The following PARK7 variants were observed in gnomAD, a reference collection of about 807,000 sequenced individuals.
The protein encoded by PARK7 is Parkinsonism associated deglycase, also known as Parkinson disease protein 7.
A neutral mutation model predicts 20.5 loss-of-function variants in PARK7; 14 were observed. That is an observed-to-expected ratio of 0.68 (90% CI 0.45 to 1.07). The LOEUF (loss-of-function observed/expected upper bound fraction) is 1.07. Ranked by LOEUF, PARK7 falls within the 50% of genes least tolerant of loss-of-function variation. The pLI, the probability that PARK7 is intolerant of heterozygous loss-of-function variation, is 0.00. For synonymous variants in PARK7, 98 were observed against 84.3 expected (o/e 1.16, Z -0.89); for missense variants, 234 against 238.1 (o/e 0.98, Z 0.11).
At chr1:7,971,335 C>G (rs1026889306) in intron 5 of PARK7, 2 of 318,260 alleles carry the variant, frequency 6.3e-6, no homozygotes, top group East Asian at 7.6e-5. Flanking sequence ...GCAGCTCTGT[C>G]CTGTGCTTGC....
At chr1:7,979,816 A>C (rs56734891) in intron 6 of PARK7, among the ~76,000 whole-genome samples, 3 of 152,066 alleles carry the variant, frequency 2.0e-5, no homozygotes, top group Non-Finnish European at 4.4e-5. Context: ...GTTTTATTTT[A>C]GTTGCTAGAA....
rs1014727907 is a variant in PARK7, at chr1:7,965,365, A to G, written c.132A>G (p.Val44=). Residue 44 remains valine, a synonymous_variant, in exon 3 of 7, where the codon GTA becomes GTG. Coordinates refer to ENST00000338639, the MANE Select transcript of PARK7 (RefSeq NM_007262.5). ...TVAGLAGKDP[V]QCSRDVVICP... is the part of the protein sequence containing the mutation. ...CAGGCCTGGCTGGAAAAGACCCAGT[A>G]CAGTGTAGCCGTGATGTGGTCATTT... is the stretch of plus-strand genomic sequence containing the variant. The G allele has an allele frequency of 6.2e-7, 1 of 1,614,212 alleles. No individual in the cohort carries two copies. The highest frequency in any genetic ancestry group is 8.5e-7 in the Non-Finnish European group (1 of 1,180,038).
At chr1:7,969,979 G>A (rs993105188) in intron 4 of PARK7, among the ~76,000 whole-genome samples, 3 of 152,134 alleles carry the variant, frequency 2.0e-5, no homozygotes, top group Non-Finnish European at 4.4e-5. Flanking sequence ...ATTGCTTGAG[G>A]CCAGGAGTTT....
chr1:7,971,039 A>C (rs938760605), intron 5 of PARK7, 76 bp downstream of exon 5: 1 of 1,474,358 alleles, frequency 6.8e-7, no homozygotes, highest in East Asian at 2.3e-5. Flanking sequence ...TTTGATTCCA[A>C]ATAGCTCTTC....
intron 6 of PARK7, among the ~76,000 whole-genome samples, chr1:7,980,756 C>T (rs924271629): frequency 1.7e-4 from 26 of 152,248 alleles, no homozygotes; most frequent in African/African-American, 6.0e-4. Flanking sequence ...GCAGTCATCA[C>T]CTGGGGGTCT....
At chr1:7,981,875 G>A (rs1248358331) in intron 6 of PARK7, among the ~76,000 whole-genome samples, 2 of 151,292 alleles carry the variant, frequency 1.3e-5, no homozygotes, top group Middle Eastern at 3.2e-3. Context: ...AGCCAGGATG[G>A]TCTCGATCTC....
Position 7,985,199 on chromosome 1 carries a change from TAC to T in PARK7, c.*149_*150del, listed in dbSNP as rs1169371751. 3 of 1,062,198 alleles carry T rather than the reference TAC, an allele frequency of 2.8e-6. No individual in the cohort carries two copies. The highest frequency in any genetic ancestry group is 4.2e-6 in the Non-Finnish European group (3 of 720,054). 65.8% of individuals were successfully genotyped at this position (1,062,198 alleles called of 1,614,324 possible). ...TTTGCGGAAGTATGGAAGTCACAAC[TAC>T]ACAGAGATTTCTCAGCCTACAAATT... On this transcript the variant is annotated 3_prime_UTR_variant, in exon 7 of 7. Transcript: ENST00000338639.
At chr1:7,963,489 T>G (rs1640256776) in intron 2 of PARK7, among the ~76,000 whole-genome samples, 1 of 151,536 alleles carries the variant, frequency 6.6e-6, no homozygotes, top group South Asian at 2.1e-4. Flanking sequence ...GTTCAAGAGA[T>G]TCTCCTGCCT....
At chr1:7,963,617 C>G (rs938164828) in intron 2 of PARK7, among the ~76,000 whole-genome samples, 1 of 151,770 alleles carries the variant, frequency 6.6e-6, no homozygotes, top group African/African-American at 2.4e-5. Flanking sequence ...TCAAGTGACC[C>G]GCCCGCCTTA....
chr1:7,968,225 T>A (rs573777594), intron 3 of PARK7, among the ~76,000 whole-genome samples: 7 of 149,512 alleles, frequency 4.7e-5, no homozygotes, highest in African/African-American at 1.7e-4. Context: ...GGAGAATCGC[T>A]TGAATCCGGG....
chr1:7,966,211 G>C (rs1333296307), intron 3 of PARK7, among the ~76,000 whole-genome samples: 1 of 152,078 alleles, frequency 6.6e-6, no homozygotes, highest in Admixed American at 6.6e-5. Flanking sequence ...GGCAGAGTCG[G>C]CTCACAGATG....
Position 7,962,876 on chromosome 1 carries a change from G to GT in PARK7, c.90+2dup. The GT allele has an allele frequency of 6.2e-7, 1 of 1,611,544 alleles. No individual in the cohort carries two copies. Among genetic ancestry groups the GT allele is most frequent in the Non-Finnish European group, 8.5e-7 (1 of 1,177,872 alleles). ...TGTAGATGTCATGAGGCGAGCTGGG[G>GT]TAAGTCCCACATCGATTTTTAGCCA... On this transcript the variant is annotated splice_donor_variant, in intron 2 of 6. Coordinates refer to ENST00000338639, the MANE Select transcript of PARK7 (RefSeq NM_007262.5). LOFTEE classifies it high-confidence loss of function.
At chr1:7,963,819 C>CTTTTTTTTTTTT (rs34787365) in intron 2 of PARK7, among the ~76,000 whole-genome samples, 2 of 144,372 alleles carry the variant, frequency 1.4e-5, no homozygotes, top group Non-Finnish European at 3.0e-5. Flanking sequence ...GCATGTGTGT[C>CTTTTTTTTTTTT]TTTTTTTTTT....
intron 6 of PARK7, chr1:7,983,084 T>C (rs1282781258): frequency 1.3e-5 from 2 of 152,250 alleles, no homozygotes; most frequent in African/African-American, 4.8e-5. Flanking sequence ...CTCATTAATA[T>C]AGCAGAAGCA....
Position 7,985,366 on chromosome 1 carries a change from A to G in PARK7, c.*312A>G, listed in dbSNP as rs1640798401. 1 of 373,188 alleles carries G rather than the reference A, an allele frequency of 2.7e-6. No homozygotes were observed. Among genetic ancestry groups the G allele is most frequent in the Non-Finnish European group, 5.1e-6 (1 of 195,032 alleles). 23.1% of individuals were successfully genotyped at this position (373,188 alleles called of 1,614,324 possible). A position where few individuals can be genotyped will look rare whatever the true frequency, so the allele number is the denominator to read the frequency against. ...TCATTTGCAGCTCTTAACTGTCCAT[A>G]TGGCACTGAAATAAAAGAACAGTGA... On this transcript the variant is annotated 3_prime_UTR_variant, in exon 7 of 7. Transcript: ENST00000338639.
At chr1:7,965,269 G>A in intron 2 of PARK7, 55 bp from the exon 3 acceptor site, 8 of 1,490,342 alleles carry the variant, frequency 5.4e-6, no homozygotes, top group Non-Finnish European at 7.5e-6. Flanking sequence ...TAAAGACAGT[G>A]TTACTCTGAA....
chr1:7,962,842 G>C lies in PARK7; in HGVS notation c.57G>C (p.Thr19=), dbSNP rs777350692. The C allele has an allele frequency of 6.2e-7, 1 of 1,613,210 alleles. No homozygotes were observed. The highest frequency in any genetic ancestry group is 8.5e-7 in the Non-Finnish European group (1 of 1,179,890). Residue 19 remains threonine (T), a synonymous_variant, in exon 2 of 7, where the codon ACG becomes ACC. Transcript: ENST00000338639. The part of the protein sequence containing the change: ...ILAKGAEEME[T]VIPVDVMRRA... ...CTAAAGGAGCAGAGGAAATGGAGACGGTCATCCCTGTAGATGTCATGAGGC... is the reference window on the plus strand; with the variant it reads ...CTAAAGGAGCAGAGGAAATGGAGACCGTCATCCCTGTAGATGTCATGAGGC...
At chr1:7,962,405 AAG>A (rs1237780756) in intron 1 of PARK7, among the ~76,000 whole-genome samples, 1 of 152,220 alleles carries the variant, frequency 6.6e-6, no homozygotes, top group Non-Finnish European at 1.5e-5. Flanking sequence ...TGCTTCAAAA[AAG>A]ACTGTTTCCC....
rs1221373640 is a variant in PARK7 at position 7,984,050 on chromosome 1, T to TA, written c.410-843dup. 6.6e-6 allele frequency among the ~76,000 whole-genome samples: 1 copy of TA among 152,132 alleles called. No homozygotes were observed. The highest frequency in any genetic ancestry group is 1.5e-5 in the Non-Finnish European group (1 of 68,018). On this transcript the variant is annotated intron_variant, in intron 6 of 6. Coordinates refer to ENST00000338639, the MANE Select transcript of PARK7 (RefSeq NM_007262.5). The surrounding 1 kb of genome is among the most constrained non-coding windows in gnomAD (Gnocchi z 4.3). The stretch of plus-strand genomic sequence containing the variant: ...TTGGGGAGGTGGGGGTGGTCACAGA[T>TA]ACCCTCTCTGAGGGGTTTTTGTTGA...
Sources: allele counts gnomAD v4.1 joint callset (sites outside exome capture counted in the v4.1 genomes callset), GRCh38; gene constraint gnomAD v4.1.1; non-coding constraint Gnocchi (gnomAD v3.1); transcripts MANE v1.5; gene names NCBI Gene and HGNC (gene_info 2026-07-23, HGNC 2026-07-21).